The following MKNK2 variants were observed in gnomAD, a reference collection of about 807,000 sequenced individuals.
The protein encoded by MKNK2 is MAP kinase-interacting serine/threonine-protein kinase 2.
A neutral mutation model predicts 55.0 loss-of-function variants in MKNK2; 54 were observed. The observed-to-expected ratio is 0.98, with a 90% CI of 0.79 to 1.23. The LOEUF (loss-of-function observed/expected upper bound fraction) is 1.23. Among genes scored for constraint, MKNK2 ranks in the 50% most tolerant of loss-of-function variants. The probability of loss-of-function intolerance (pLI) is 0.00; values close to 1 mark genes in which losing one functional copy is unlikely to be tolerated. For missense variants in MKNK2, 685 were observed against 632.1 expected (o/e 1.08, Z -0.90); for synonymous variants, 323 against 256.0 (o/e 1.26, Z -2.50).
At chr19:2,043,930 C>T (rs1298194197) in intron 5 of MKNK2, among the ~76,000 whole-genome samples, 1 of 140,576 alleles carries the variant, frequency 7.1e-6, no homozygotes. Context: ...GCTGAGATCG[C>T]GCCATTGCAC....
rs769436524 is a variant in MKNK2, at chr19:2,041,177, C to T, written c.973G>A (p.Gly325Ser). ...TCCTTGTCGGGGAACTCGTACTTGCCCTCCTGGATGCTCTCAAACAGCATG... is the reference window on the plus strand; with the variant it reads ...TCCTTGTCGGGGAACTCGTACTTGCTCTCCTGGATGCTCTCAAACAGCATG... Reference protein sequence around the residue: ...QNMLFESIQEGKYEFPDKDWA... With the variant: ...QNMLFESIQESKYEFPDKDWA... The change falls in exon 12 of 14, where the codon GGC becomes AGC. Residue 325 changes from glycine to serine, a missense_variant. Transcript: ENST00000250896. 13 of 1,613,652 alleles carry T rather than the reference C, an allele frequency of 8.1e-6. No homozygotes were observed. The highest frequency in any genetic ancestry group is 5.0e-5 in the Admixed American group (3 of 59,976).
At chr19:2,042,896 C>G in intron 7 of MKNK2, 26 bp from the exon 8 acceptor site, 1 of 1,548,026 alleles carries the variant, frequency 6.5e-7, no homozygotes, top group Admixed American at 2.0e-5. Flanking sequence ...CAGGGCAGGA[C>G]AGGGGGAACA....
intron 2 of MKNK2, 49 bp downstream of exon 2, chr19:2,050,752 A>C (rs971728676): frequency 2.2e-5 from 33 of 1,510,250 alleles, no homozygotes; most frequent in Non-Finnish European, 2.8e-5. Flanking sequence ...CACGCCGGCC[A>C]TTCCGGTGGT....
In MKNK2 at chr19:2,041,857, C is replaced by G. The variant is rs1428159425; in HGVS notation, c.928G>C (p.Ala310Pro). The change falls in exon 11 of 14, where the codon GCC becomes CCC. Residue 310 changes from alanine (A) to proline (P), a missense_variant. By Grantham distance (27) the Ala-to-Pro change is conservative (BLOSUM62 -1). Coordinates refer to ENST00000250896, the MANE Select transcript of MKNK2 (RefSeq NM_199054.3). ...GSDCGWDRGEACPACQNMLFE... is the reference protein window; with the variant it reads ...GSDCGWDRGEPCPACQNMLFE... ...CGCCGCACCTGGCAGGCAGGGCAGG[C>G]CTCGCCGCGGTCCCAGCCGCAGTCG... 6.5e-7 allele frequency: 1 copy of G among 1,533,346 alleles called. No individual in the cohort carries two copies. Among genetic ancestry groups the G allele is most frequent in the Non-Finnish European group, 8.8e-7 (1 of 1,139,492 alleles). The allele number at this position is 1,533,346 out of a possible 1,614,324, so 95.0% of individuals were successfully genotyped here.
intron 2 of MKNK2, among the ~76,000 whole-genome samples, chr19:2,046,971 T>C (rs905343859): frequency 6.6e-6 from 1 of 152,160 alleles, no homozygotes; most frequent in Non-Finnish European, 1.5e-5. Context: ...CTTTTTTAAA[T>C]TTATGTTTTG....
At position 2,050,866 on chromosome 19, in the gene MKNK2, C is replaced by T; in HGVS notation, c.-15G>A. The T allele has an allele frequency of 6.6e-7, 1 of 1,515,276 alleles. No homozygotes were observed. Among genetic ancestry groups the T allele is most frequent in the Admixed American group, 2.1e-5 (1 of 47,374 alleles). 93.9% of individuals were successfully genotyped at this position (1,515,276 alleles called of 1,614,324 possible). A position where few individuals can be genotyped will look rare whatever the true frequency, so the allele number is the denominator to read the frequency against. On this transcript the variant is annotated 5_prime_UTR_variant, in exon 2 of 14. Coordinates refer to ENST00000250896, the MANE Select transcript of MKNK2 (RefSeq NM_199054.3). ...TTCTGCACCATCTTCTGTCCGGGCC[C>T]CGCCAGCGGGGGAGGGGACCGAGGG...
chr19:2,042,081 G>C (rs929848946), intron 10 of MKNK2, 47 bp from the exon 11 acceptor site: 45 of 1,419,396 alleles, frequency 3.2e-5, no homozygotes, highest in Non-Finnish European at 3.9e-5. Context: ...CCAGCATTAC[G>C]TGGGAACCGA....
At chr19:2,042,107 G>A in intron 10 of MKNK2, 73 bp from the exon 11 acceptor site, 2 of 1,345,738 alleles carry the variant, frequency 1.5e-6, no homozygotes, top group Non-Finnish European at 9.7e-7. Flanking sequence ...GGTAACTGCG[G>A]GTCACCTGCG....
intron 6 of MKNK2, 76 bp from the exon 7 acceptor site, chr19:2,043,273 G>A: frequency 8.0e-7 from 1 of 1,256,494 alleles, no homozygotes; most frequent in Non-Finnish European, 1.2e-6. Flanking sequence ...GGCCTAGGAG[G>A]GGCCCACCCT....
At chr19:2,050,517 C>G (rs2017091632) in intron 2 of MKNK2, among the ~76,000 whole-genome samples, 1 of 152,206 alleles carries the variant, frequency 6.6e-6, no homozygotes, top group South Asian at 2.1e-4. Flanking sequence ...GGACACACAG[C>G]CTGGTGCCCT....
chr19:2,040,249 G>T, intron 12 of MKNK2, 72 bp from the exon 13 acceptor site: 4 of 1,313,234 alleles, frequency 3.0e-6, no homozygotes, highest in Non-Finnish European at 4.2e-6. Flanking sequence ...TGGGGTGTCT[G>T]GCCAAGGGAT....
At chr19:2,042,730 C>A (rs1345020036) in intron 8 of MKNK2, 36 bp downstream of exon 8, 6 of 1,546,996 alleles carry the variant, frequency 3.9e-6, no homozygotes, top group East Asian at 2.4e-5. Flanking sequence ...CCTTGGCAGG[C>A]GGCCCTAGGA....
chr19:2,039,867 G>C lies in MKNK2; in HGVS notation c.1155-11C>G, dbSNP rs763903532. The C allele has an allele frequency of 6.3e-7, 1 of 1,586,460 alleles. No individual in the cohort carries two copies. On this transcript the variant is annotated splice_polypyrimidine_tract_variant and intron_variant, in intron 13 of 13. Transcript: ENST00000250896. ...TTGGCACAGCTGTTCCTGGGAAACGGGGTGGGGGTAGGTGGTCACCAAGAG... is the reference window on the plus strand; with the variant it reads ...TTGGCACAGCTGTTCCTGGGAAACGCGGTGGGGGTAGGTGGTCACCAAGAG...
At position 2,037,896 on chromosome 19, in the gene MKNK2, G is replaced by A. The variant is rs1320188586; in HGVS notation, c.*1717C>T. Reference sequence around the variant, plus strand: ...GCCACTCAGCTTTAGAGACCCGATGGCTATGGGCGCCTGCAGCGGGCGGGG... The same window carrying A: ...GCCACTCAGCTTTAGAGACCCGATGACTATGGGCGCCTGCAGCGGGCGGGG... On this transcript the variant is annotated 3_prime_UTR_variant, in exon 14 of 14. Coordinates refer to ENST00000250896, the MANE Select transcript of MKNK2 (RefSeq NM_199054.3). 1 of 1,474,806 alleles carries A rather than the reference G, an allele frequency of 6.8e-7. No homozygotes were observed. The highest frequency in any genetic ancestry group is 9.1e-7 in the Non-Finnish European group (1 of 1,098,260). 91.4% of individuals were successfully genotyped at this position (1,474,806 alleles called of 1,614,324 possible).
At chr19:2,045,439 G>A (rs558281819) in intron 5 of MKNK2, among the ~76,000 whole-genome samples, 34 of 152,104 alleles carry the variant, frequency 2.2e-4, no homozygotes, top group African/African-American at 3.1e-4. Context: ...GGCAGGGACC[G>A]TCCGTACTGT....
Position 2,038,443 on chromosome 19 carries a change from C to T in MKNK2, c.*1170G>A. The T allele has an allele frequency of 1.0e-6, 1 of 985,394 alleles. No individual in the cohort carries two copies. The highest frequency in any genetic ancestry group is 1.2e-6 in the Non-Finnish European group (1 of 829,758). The allele number at this position is 985,394 out of a possible 1,614,324, so 61.0% of individuals were successfully genotyped here. A position where few individuals can be genotyped will look rare whatever the true frequency, so the allele number is the denominator to read the frequency against. On this transcript the variant is annotated 3_prime_UTR_variant, in exon 14 of 14. Transcript: ENST00000250896. ...GTCCCCACCCGCGGGGAGGGGGCAG[C>T]AGGCTCCGCAGCCCCCGGGGGTTGG...
chr19:2,043,682 A>AC (rs2016940925), intron 5 of MKNK2, 100 bp from the exon 6 acceptor site: 2 of 1,033,024 alleles, frequency 1.9e-6, no homozygotes, highest in African/African-American at 3.2e-5. Context: ...CACCACACTT[A>AC]ACGCCCTGCA....
At position 2,039,239 on chromosome 19, in the gene MKNK2, TC is replaced by T; in HGVS notation, c.*373del. On this transcript the variant is annotated 3_prime_UTR_variant, in exon 14 of 14. Coordinates refer to ENST00000250896, the MANE Select transcript of MKNK2 (RefSeq NM_199054.3). Reference sequence around the variant, plus strand: ...GATGGCAAACGCTGTGGGCCTGCTCTCCTGAGTCACTGCAAGCCACGTGGGC... The same window carrying T: ...GATGGCAAACGCTGTGGGCCTGCTCTCTGAGTCACTGCAAGCCACGTGGGC... 9.1e-7 allele frequency: 1 copy of T among 1,093,902 alleles called. No individual in the cohort carries two copies. 67.8% of individuals were successfully genotyped at this position (1,093,902 alleles called of 1,614,324 possible).
At chr19:2,040,634 C>T (rs1028710416) in intron 12 of MKNK2, 3 of 291,324 alleles carry the variant, frequency 1.0e-5, no homozygotes, top group Admixed American at 4.8e-5. Context: ...CAGATGACCT[C>T]TGGCAGGAGA....
Sources: gnomAD v4.1 joint callset for allele counts (sites outside exome capture counted in the v4.1 genomes callset) on GRCh38, gnomAD v4.1.1 for gene constraint, MANE v1.5 for transcripts, NCBI Gene and HGNC (gene_info 2026-07-23, HGNC 2026-07-21) for gene names.